Variants in SMC1B observed in about 807,000 individuals in gnomAD.
SMC1B encodes structural maintenance of chromosomes protein 1B.
A neutral mutation model predicts 157.9 loss-of-function variants in SMC1B; 60 were observed. That is an observed-to-expected ratio of 0.38 (90% CI 0.31 to 0.47). The LOEUF is 0.47. SMC1B is among the 20% of genes least tolerant of loss of function. The pLI, the probability that SMC1B is intolerant of heterozygous loss-of-function variation, is 0.99. For synonymous variants in SMC1B, 445 were observed against 483.0 expected (o/e 0.92, Z 1.03); for missense variants, 1,165 against 1,426.2 (o/e 0.82, Z 2.95).
At chr22:45,406,922 A>C in intron 2 of SMC1B, 57 bp from the exon 3 acceptor site, 1 of 1,192,640 alleles carries the variant, frequency 8.4e-7, no homozygotes, top group Non-Finnish European at 1.2e-6. Context: ...TATACCTCAA[A>C]ATCCACCGAA....
chr22:45,358,759 C>T lies in SMC1B; in HGVS notation c.2899G>A (p.Asp967Asn), dbSNP rs2086693227. The T allele has an allele frequency of 6.2e-7, 1 of 1,612,930 alleles. No homozygotes were observed. The highest frequency in any genetic ancestry group is 8.5e-7 in the Non-Finnish European group (1 of 1,179,522). Residue 967 changes from aspartate to asparagine, a missense_variant, in exon 19 of 25, where the codon GAT becomes AAT. Asp to Asn is a conservative substitution (Grantham distance 23). Transcript: ENST00000357450. The stretch of plus-strand genomic sequence containing the variant: ...AAGGCTTCTTCTTTTTCATAGATAT[C>T]AATTGTTGCCTGGGTACTTTCTGCT... ...TEAESTQATIDIYEKEEAFEI... is the reference protein window; with the variant it reads ...TEAESTQATINIYEKEEAFEI...
At chr22:45,349,305 G>A (rs1269772401) in intron 23 of SMC1B, among the ~76,000 whole-genome samples, 1 of 151,100 alleles carries the variant, frequency 6.6e-6, no homozygotes, top group Non-Finnish European at 1.5e-5. Context: ...GTGAGCCACG[G>A]GTGCCTGGCC....
At position 45,399,199 on chromosome 22, in the gene SMC1B, C is replaced by G. The variant is rs1447839468; in HGVS notation, c.1009G>C (p.Glu337Gln). ...GCATCTAAATCAGCCAGCTCTGTCT[C>G]CAGGGCTTTTATATCATCTTCCTGT... ...SKQEDDIKAL[E>Q]TELADLDAAW... The change falls in exon 6 of 25, where the codon GAG (glutamate) becomes CAG (glutamine). Residue 337 changes from glutamate to glutamine, a missense_variant. Transcript: ENST00000357450. The G allele has an allele frequency of 6.2e-7, 1 of 1,613,982 alleles. No individual in the cohort carries two copies. Among genetic ancestry groups the G allele is most frequent in the South Asian group, 1.1e-5 (1 of 91,072 alleles).
At chr22:45,364,038 A>G (rs377455556) in intron 15 of SMC1B, among the ~76,000 whole-genome samples, 2 of 152,128 alleles carry the variant, frequency 1.3e-5, no homozygotes, top group East Asian at 3.9e-4. Flanking sequence ...TAATAGAGAC[A>G]GGGTTTCGCC....
chr22:45,384,114 A>C (rs1014677240), intron 11 of SMC1B, among the ~76,000 whole-genome samples: 1 of 152,174 alleles, frequency 6.6e-6, no homozygotes, highest in Non-Finnish European at 1.5e-5. Context: ...ACCTCAGTGT[A>C]ATTTTAATGG....
At chr22:45,356,727 CTTTTTTTTTTT>C (rs1174032906) in intron 19 of SMC1B, among the ~76,000 whole-genome samples, 9 of 126,430 alleles carry the variant, frequency 7.1e-5, no homozygotes, top group Non-Finnish European at 1.7e-5. Flanking sequence ...TTTTTCTTTT[CTTTTTTTTTTT>C]TTTTTTTTTG....
chr22:45,404,877 A>C (rs1250622398), intron 4 of SMC1B, among the ~76,000 whole-genome samples: 2 of 152,228 alleles, frequency 1.3e-5, no homozygotes, highest in African/African-American at 4.8e-5. Context: ...GCACAGAATA[A>C]ATCTCTTCAA....
chr22:45,348,289 C>G (rs771030167), intron 23 of SMC1B, among the ~76,000 whole-genome samples: 3 of 152,150 alleles, frequency 2.0e-5, no homozygotes, highest in Non-Finnish European at 4.4e-5. Context: ...TGGTGGCTGA[C>G]GCCTGTAATC....
At chr22:45,352,342 T>C in intron 22 of SMC1B, 109 bp downstream of exon 22, 3 of 987,240 alleles carry the variant, frequency 3.0e-6, no homozygotes, top group South Asian at 3.0e-5. Context: ...GATAGTTTTG[T>C]ATCTCATTTG....
rs2087025266 is a variant in SMC1B at position 45,389,001 on chromosome 22, A to AT, written c.1731+710_1731+711insA. Among the ~76,000 whole-genome samples, 2 of 143,140 alleles carry AT rather than the reference A, an allele frequency of 1.4e-5. 1 individual carries two copies. Among genetic ancestry groups the AT allele is most frequent in the South Asian group, 4.2e-4 (2 of 4,794 alleles). The allele number at this position is 143,140 out of a possible 152,430, so 93.9% of individuals were successfully genotyped here. On this transcript the variant is annotated intron_variant, in intron 10 of 24. Coordinates refer to ENST00000357450, the MANE Select transcript of SMC1B (RefSeq NM_148674.5). ...GACTCTGCCTCAAAAAAAAAAAAAA[A>AT]AAAGAAAAAGAAAAAAGAAAAAAAA...
intron 22 of SMC1B, among the ~76,000 whole-genome samples, chr22:45,350,273 T>TA (rs1307534290): frequency 6.6e-6 from 1 of 151,044 alleles, no homozygotes; most frequent in East Asian, 1.9e-4. Context: ...TTTTTTTAAT[T>TA]TTTTTTAAAT....
intron 21 of SMC1B, 37 bp from the exon 22 acceptor site, chr22:45,352,639 A>C: frequency 6.4e-7 from 1 of 1,559,176 alleles, no homozygotes; most frequent in Non-Finnish European, 8.7e-7. Flanking sequence ...ATATCAGAAA[A>C]GCAACTGATA....
At chr22:45,369,385 T>A (rs1160596273) in intron 15 of SMC1B, among the ~76,000 whole-genome samples, 1 of 151,326 alleles carries the variant, frequency 6.6e-6, no homozygotes, top group Non-Finnish European at 1.5e-5. Context: ...CATGAGCCAC[T>A]GCACCTGGCC....
intron 15 of SMC1B, among the ~76,000 whole-genome samples, chr22:45,366,168 C>T (rs1474451097): frequency 1.3e-5 from 2 of 152,130 alleles, no homozygotes; most frequent in African/African-American, 4.8e-5. Flanking sequence ...GGACTACAGG[C>T]ATGTGCCACC....
Position 45,393,726 on chromosome 22 carries a change from G to C in SMC1B, c.1453C>G (p.Gln485Glu). 2 of 1,613,914 alleles carry C rather than the reference G, an allele frequency of 1.2e-6. No homozygotes were observed. The highest frequency in any genetic ancestry group is 1.7e-6 in the Non-Finnish European group (2 of 1,179,896). ...EELNLIRSEL[Q>E]NAGIDTHEGK... is the part of the protein sequence containing the mutation. ...TCATGGGTATCAATCCCAGCATTCT[G>C]CAATTCACTTCTAATAAGATTCAAT... Residue 485 changes from glutamine (Q) to glutamate (E), a missense_variant, in exon 9 of 25, where the codon CAG (glutamine) becomes GAG (glutamate). Transcript: ENST00000357450.
At chr22:45,391,939 C>G (rs140914069) in intron 9 of SMC1B, among the ~76,000 whole-genome samples, 2 of 152,118 alleles carry the variant, frequency 1.3e-5, no homozygotes, top group East Asian at 3.9e-4. Flanking sequence ...GCTTCACATT[C>G]CCCAATTCAC....
At chr22:45,372,944 A>G (rs567939649) in intron 12 of SMC1B, among the ~76,000 whole-genome samples, 12 of 151,736 alleles carry the variant, frequency 7.9e-5, no homozygotes, top group Non-Finnish European at 1.6e-4. Context: ...CGATCTCCTG[A>G]TCTTGTGATC....
Position 45,402,491 on chromosome 22 carries a change from C to T in SMC1B, c.696G>A (p.Glu232=). 6.2e-7 allele frequency: 1 copy of T among 1,613,894 alleles called. No individual in the cohort carries two copies. Among genetic ancestry groups the T allele is most frequent in the African/African-American group, 1.3e-5 (1 of 75,012 alleles). Residue 232 remains glutamate, a synonymous_variant, in exon 5 of 25, where the codon GAG becomes GAA. Transcript: ENST00000357450. The stretch of plus-strand genomic sequence containing the variant: ...TGGTGTTCAGGAGATGAATCTTTTT[C>T]TCATTATGGTATAGTTGAAAAAGCT... ...QLQLFQLYHN[E]KKIHLLNTKL... is the part of the protein sequence containing the mutation.
At position 45,359,826 on chromosome 22, in the gene SMC1B, C is replaced by T. The variant is rs1354683732; in HGVS notation, c.2841G>A (p.Leu947=). 6.2e-7 allele frequency: 1 copy of T among 1,613,352 alleles called. No individual in the cohort carries two copies. The highest frequency in any genetic ancestry group is 8.5e-7 in the Non-Finnish European group (1 of 1,179,690). ...ATACCTCCACTTCAATGATGTCATCCAGTGACCCCGACAAAAGGATTATCT... is the reference window on the plus strand; with the variant it reads ...ATACCTCCACTTCAATGATGTCATCTAGTGACCCCGACAAAAGGATTATCT... ...DIEIILLSGS[L]DDIIEVEMGT... is the part of the protein sequence containing the mutation. Residue 947 remains leucine (L), a synonymous_variant, in exon 18 of 25, where the codon CTG becomes CTA. Transcript: ENST00000357450.
Sources: gnomAD v4.1 joint callset for allele counts (sites outside exome capture counted in the v4.1 genomes callset) on GRCh38, gnomAD v4.1.1 for gene constraint, MANE v1.5 for transcripts, NCBI Gene and HGNC (gene_info 2026-07-23, HGNC 2026-07-21) for gene names.